CADPS2: variants seen among roughly 807,000 people sequenced by gnomAD.
CADPS2 encodes calcium dependent secretion activator 2.
CADPS2 carries 93 observed loss-of-function variants against 172.5 expected under a neutral mutation model. That is an observed-to-expected ratio of 0.54 (90% CI 0.46 to 0.64). CADPS2 has a LOEUF of 0.64. Among genes scored for constraint, CADPS2 ranks in the 30% least tolerant of loss-of-function variants. CADPS2 has a pLI of 0.00. For synonymous variants in CADPS2, 546 were observed against 555.2 expected (o/e 0.98, Z 0.23); for missense variants, 1,420 against 1,565.9 (o/e 0.91, Z 1.57).
intron 2 of CADPS2, among the ~76,000 whole-genome samples, chr7:122,694,854 C>A (rs2136119454): frequency 6.6e-6 from 1 of 152,306 alleles, no homozygotes; most frequent in South Asian, 2.1e-4. Context: ...GAGAATGGAA[C>A]TGGCATGAGA....
intron 3 of CADPS2, among the ~76,000 whole-genome samples, chr7:122,634,534 T>A (rs1046207265): frequency 9.9e-5 from 15 of 152,182 alleles, no homozygotes; most frequent in Admixed American, 1.3e-4. Context: ...TCTTTGTCAT[T>A]TCTGGTTACA....
intron 14 of CADPS2, among the ~76,000 whole-genome samples, chr7:122,453,679 T>C (rs1045174608): frequency 9.9e-5 from 15 of 152,200 alleles, no homozygotes; most frequent in African/African-American, 3.6e-4. Context: ...TGTGGTTAAA[T>C]AGGAGTAAAC....
intron 2 of CADPS2, among the ~76,000 whole-genome samples, chr7:122,685,108 C>T (rs6969943): frequency 1.3e-5 from 2 of 151,862 alleles, no homozygotes; most frequent in Non-Finnish European, 2.9e-5. Context: ...GCTTTTTAAT[C>T]CCAGAATCTG....
At chr7:122,544,085 C>A (rs2131699846) in intron 8 of CADPS2, among the ~76,000 whole-genome samples, 1 of 152,118 alleles carries the variant, frequency 6.6e-6, no homozygotes, top group South Asian at 2.1e-4. Context: ...TACGTGTCCA[C>A]TCAAGAGAAA....
At chr7:122,741,969 T>C (rs982547406) in intron 1 of CADPS2, among the ~76,000 whole-genome samples, 5 of 152,214 alleles carry the variant, frequency 3.3e-5, no homozygotes, top group Admixed American at 6.5e-5. Flanking sequence ...GGTACTCTCC[T>C]AAGGATACAT....
chr7:122,701,248 T>C (rs1292896874), intron 2 of CADPS2, among the ~76,000 whole-genome samples: 2 of 152,210 alleles, frequency 1.3e-5, no homozygotes, highest in African/African-American at 4.8e-5. Context: ...CACCATGGAA[T>C]ACTATGCAGC....
intron 2 of CADPS2, among the ~76,000 whole-genome samples, chr7:122,693,734 C>CT (rs2084703078): frequency 6.6e-6 from 1 of 152,112 alleles, no homozygotes; most frequent in Non-Finnish European, 1.5e-5. Context: ...GGTGGGCAGA[C>CT]TGCCTGAGCT....
intron 1 of CADPS2, among the ~76,000 whole-genome samples, chr7:122,849,010 T>A (rs2141055355): frequency 6.6e-6 from 1 of 152,352 alleles, no homozygotes; most frequent in African/African-American, 2.4e-5. Flanking sequence ...CCAGGCAGGT[T>A]AATGAACAAT....
rs745727254 is a variant in CADPS2 at position 122,621,696 on chromosome 7, T to C, written c.889A>G (p.Ile297Val). ...TACATATTCTCCATATCTTTTGCTA[T>C]AAATTTGGGGAATTTTCTTTCCTTG... ...MAKERKFPKF[I>V]AKDMENMYIE... The change falls in exon 5 of 30, where the codon ATA (isoleucine) becomes GTA (valine). Residue 297 changes from isoleucine to valine, a missense_variant. Coordinates refer to ENST00000449022, the MANE Select transcript of CADPS2 (RefSeq NM_017954.11). 6 of 1,587,352 alleles carry C rather than the reference T, an allele frequency of 3.8e-6. No individual in the cohort carries two copies. In the Admixed American group the frequency reaches 9.2e-5, roughly 24 times the overall value.
chr7:122,856,344 C>T (rs1288808416), intron 1 of CADPS2, among the ~76,000 whole-genome samples: 1 of 152,186 alleles, frequency 6.6e-6, no homozygotes, highest in African/African-American at 2.4e-5. Context: ...TCAGCAAAAT[C>T]CAAGGAATCA....
intron 2 of CADPS2, among the ~76,000 whole-genome samples, chr7:122,703,386 C>T (rs931686574): frequency 5.9e-5 from 9 of 152,064 alleles, no homozygotes; most frequent in South Asian, 2.1e-4. Context: ...TGGTTCAACA[C>T]TACCCAGTAT....
At chr7:122,664,303 T>A (rs989754597) in intron 2 of CADPS2, among the ~76,000 whole-genome samples, 1 of 152,088 alleles carries the variant, frequency 6.6e-6, no homozygotes, top group Non-Finnish European at 1.5e-5. Flanking sequence ...CCTGTCCCCA[T>A]CCCTGATTTT....
chr7:122,826,237 G>A (rs746288488), intron 1 of CADPS2, among the ~76,000 whole-genome samples: 1 of 152,160 alleles, frequency 6.6e-6, no homozygotes, highest in African/African-American at 2.4e-5. Context: ...ATGCCAACTA[G>A]GGCTGAGTGA....
chr7:122,385,870 TA>T (rs1284098856), intron 24 of CADPS2, among the ~76,000 whole-genome samples: 1 of 152,114 alleles, frequency 6.6e-6, no homozygotes, highest in Non-Finnish European at 1.5e-5. Flanking sequence ...ATATGTCATC[TA>T]AAGCTCCAAA....
chr7:122,858,495 C>T (rs1815968887), intron 1 of CADPS2, among the ~76,000 whole-genome samples: 2 of 152,142 alleles, frequency 1.3e-5, no homozygotes, highest in African/African-American at 2.4e-5. Context: ...TATGACCTTA[C>T]TCAGATTGTT....
chr7:122,600,306 TC>T (rs369439856), intron 6 of CADPS2, among the ~76,000 whole-genome samples: 365 of 152,158 alleles, frequency 2.4e-3, no homozygotes, highest in Non-Finnish European at 4.4e-3. Context: ...TTTCTAAAGA[TC>T]CCACCAACTG....
At chr7:122,368,315 G>A (rs1279936846) in intron 25 of CADPS2, 1 of 152,438 alleles carries the variant, frequency 6.6e-6, no homozygotes, top group Non-Finnish European at 1.5e-5. Flanking sequence ...CAGGCTGGCT[G>A]GTACAACCCA....
At chr7:122,419,913 G>T (rs1485538266) in intron 17 of CADPS2, among the ~76,000 whole-genome samples, 1 of 152,082 alleles carries the variant, frequency 6.6e-6, no homozygotes, top group African/African-American at 2.4e-5. Context: ...TATTGTTTCA[G>T]TTTAGAATAT....
At chr7:122,424,726 A>C (rs2048931678) in intron 17 of CADPS2, among the ~76,000 whole-genome samples, 1 of 152,202 alleles carries the variant, frequency 6.6e-6, no homozygotes, top group Admixed American at 6.5e-5. Context: ...TTTGAGTTTT[A>C]TTAAAGTTGT....
Sources: gnomAD v4.1 joint callset for allele counts (sites outside exome capture counted in the v4.1 genomes callset) on GRCh38, gnomAD v4.1.1 for gene constraint, MANE v1.5 for transcripts, NCBI Gene and HGNC (gene_info 2026-07-23, HGNC 2026-07-21) for gene names.